Variants in BRIP1 observed in about 807,000 individuals in gnomAD.
The protein encoded by BRIP1 is BRCA1 interacting DNA helicase 1.
Under a neutral mutation model 119.7 loss-of-function variants are expected in BRIP1, and 88 were observed. That is an observed-to-expected ratio of 0.74 (90% confidence interval 0.62 to 0.88). BRIP1 has a LOEUF of 0.88. BRIP1 is among the 40% of genes least tolerant of loss of function. The pLI, the probability that BRIP1 is intolerant of heterozygous loss-of-function variation, is 0.00. For missense variants in BRIP1, 1,259 were observed against 1,455.4 expected (o/e 0.87, Z 2.20); for synonymous variants, 443 against 496.5 (o/e 0.89, Z 1.43).
chr17:61,790,563 A>C (rs116812354), intron 10 of BRIP1, among the ~76,000 whole-genome samples: 2 of 152,068 alleles, frequency 1.3e-5, no homozygotes, highest in East Asian at 1.9e-4. Context: ...ATATATATAT[A>C]TATCTATATG....
chr17:61,799,287 G>T lies in BRIP1; in HGVS notation c.1153C>A (p.Leu385Met), dbSNP rs748001678. Residue 385 changes from leucine (L) to methionine (M), a missense_variant, in exon 9 of 20, where the codon CTG (leucine) becomes ATG (methionine). Physicochemically the swap from Leu to Met is conservative, Grantham distance 15 (BLOSUM62 2). This residue lies in a region of BRIP1 where 501 missense variants were observed against 544.0 expected (regional missense o/e 0.92). Transcript: ENST00000259008. The surrounding 1 kb of genome is among the most constrained non-coding windows in gnomAD (Gnocchi z 5.1). ...TCTAAAATGACAACCTGTTCTTTCA[G>T]ATTTAAATCCATCTATAAGATAAAA... Reference protein sequence around the residue: ...AQIRESMDLNLKEQVVILDEA... With the variant: ...AQIRESMDLNMKEQVVILDEA... 7 of 1,611,710 alleles carry T rather than the reference G, an allele frequency of 4.3e-6. No homozygotes were observed. Among genetic ancestry groups the T allele is most frequent in the Non-Finnish European group, 5.1e-6 (6 of 1,178,338 alleles).
chr17:61,737,552 T>C (rs897799344), intron 16 of BRIP1, among the ~76,000 whole-genome samples: 2 of 152,168 alleles, frequency 1.3e-5, no homozygotes, highest in Admixed American at 6.5e-5. Flanking sequence ...TGGACTGCAT[T>C]AGAATTTTAA....
In BRIP1 at chr17:61,769,008, T is replaced by C. The variant is rs1373000929; in HGVS notation, c.2097+7393A>G. Among the ~76,000 whole-genome samples, 1 of 152,070 alleles carries C rather than the reference T, an allele frequency of 6.6e-6. No individual in the cohort carries two copies. The highest frequency in any genetic ancestry group is 1.5e-5 in the Non-Finnish European group (1 of 68,010). On this transcript the variant is annotated intron_variant, in intron 14 of 19. Transcript: ENST00000259008. The surrounding 1 kb of genome is among the most constrained non-coding windows in gnomAD (Gnocchi z 4.9). ...TTGAGAGGGCGATATGACTAGGACC[T>C]GAATGCAACCTTTAAGACCTAAGAG...
intron 3 of BRIP1, among the ~76,000 whole-genome samples, chr17:61,859,142 A>G (rs570104376): frequency 6.6e-6 from 1 of 152,226 alleles, no homozygotes. Context: ...TGGCATTTAA[A>G]CAAGTAGAAA....
At chr17:61,750,660 C>T (rs1206131646) in intron 14 of BRIP1, among the ~76,000 whole-genome samples, 1 of 150,578 alleles carries the variant, frequency 6.6e-6, no homozygotes, top group Non-Finnish European at 1.5e-5. Flanking sequence ...AAAAACCAAA[C>T]AGATTCAAAT....
At chr17:61,813,551 T>G (rs1170145311) in intron 6 of BRIP1, among the ~76,000 whole-genome samples, 2 of 152,122 alleles carry the variant, frequency 1.3e-5, no homozygotes, top group Non-Finnish European at 2.9e-5. Context: ...AAAAAGATAC[T>G]TCAAAATCCA....
intron 8 of BRIP1, among the ~76,000 whole-genome samples, chr17:61,800,162 G>T (rs1225275378): frequency 6.6e-6 from 1 of 152,122 alleles, no homozygotes; most frequent in Non-Finnish European, 1.5e-5. Context: ...ACAATAAAGA[G>T]AATCAAGTAT....
Position 61,815,896 on chromosome 17 carries a change from T to TG in BRIP1, c.628-7140dup, listed in dbSNP as rs2078229231. 6.6e-6 allele frequency among the ~76,000 whole-genome samples: 1 copy of TG among 152,246 alleles called. No individual in the cohort carries two copies. The highest frequency in any genetic ancestry group is 2.4e-5 in the African/African-American group (1 of 41,474). ...TTAATCTTTATCAACCATTTGCTGT[T>TG]GTCCAAGCCATCTAAACAGGTACTG... is the stretch of plus-strand genomic sequence containing the variant. On this transcript the variant is annotated intron_variant, in intron 6 of 19. Coordinates refer to ENST00000259008, the MANE Select transcript of BRIP1 (RefSeq NM_032043.3). This position sits in a 1 kb window ranked among gnomAD's most constrained non-coding sequence, Gnocchi z 4.1.
At position 61,796,940 on chromosome 17, in the gene BRIP1, T is replaced by G. The variant is rs1172513541; in HGVS notation, c.1340+2160A>C. On this transcript the variant is annotated intron_variant, in intron 9 of 19. Coordinates refer to ENST00000259008, the MANE Select transcript of BRIP1 (RefSeq NM_032043.3). This position sits in a 1 kb window ranked among gnomAD's most constrained non-coding sequence, Gnocchi z 4.8. ...GTAAGGATATTATTAAGGATAGTAT[T>G]TAACTTTTTTACTTGAGGAACTGGT... is the stretch of plus-strand genomic sequence containing the variant. 2.0e-5 allele frequency among the ~76,000 whole-genome samples: 3 copies of G among 152,020 alleles called. No individual in the cohort carries two copies. Among genetic ancestry groups the G allele is most frequent in the Non-Finnish European group, 4.4e-5 (3 of 67,934 alleles).
intron 14 of BRIP1, among the ~76,000 whole-genome samples, chr17:61,765,394 TATA>T (rs2077345135): frequency 6.3e-5 from 1 of 15,886 alleles, no homozygotes; most frequent in Non-Finnish European, 1.4e-4. Context: ...TATATATATA[TATA>T]TATATATATA....
rs1057522122 is a variant in BRIP1 at position 61,849,118 on chromosome 17, A to C, written c.507+11T>G. ...TAACTGGGTTATTTACTGCCAATAA[A>C]CTCTGTTTACCTGCTGTGTAGTTTC... On this transcript the variant is annotated intron_variant, in intron 5 of 19. Transcript: ENST00000259008. 6.2e-7 allele frequency: 1 copy of C among 1,613,052 alleles called. No individual in the cohort carries two copies. The highest frequency in any genetic ancestry group is 8.5e-7 in the Non-Finnish European group (1 of 1,179,542).
intron 14 of BRIP1, among the ~76,000 whole-genome samples, chr17:61,750,989 C>T (rs1412422405): frequency 6.6e-6 from 1 of 152,150 alleles, no homozygotes; most frequent in African/African-American, 2.4e-5. Context: ...AAGTATATAA[C>T]CCCAAATATC....
intron 14 of BRIP1, among the ~76,000 whole-genome samples, chr17:61,749,711 C>G (rs534986079): frequency 6.6e-6 from 1 of 152,186 alleles, no homozygotes; most frequent in East Asian, 1.9e-4. Context: ...CAAAATAAAA[C>G]AGTATATATA....
chr17:61,679,679 A>G lies in BRIP1; in HGVS notation c.*3617T>C, dbSNP rs886053198. 6.6e-6 allele frequency among the ~76,000 whole-genome samples: 1 copy of G among 152,216 alleles called. No homozygotes were observed. Among genetic ancestry groups the G allele is most frequent in the Non-Finnish European group, 1.5e-5 (1 of 68,020 alleles). On this transcript the variant is annotated 3_prime_UTR_variant, in exon 20 of 20. Transcript: ENST00000259008. The surrounding 1 kb of genome is among the most constrained non-coding windows in gnomAD (Gnocchi z 4.4). ...GTTAGGGAAGCTTTCATATAGAGCAAGGGTGCACTCCAGATATATGATTCA... is the reference window on the plus strand; with the variant it reads ...GTTAGGGAAGCTTTCATATAGAGCAGGGGTGCACTCCAGATATATGATTCA...
intron 3 of BRIP1, among the ~76,000 whole-genome samples, chr17:61,858,523 G>A (rs553797816): frequency 6.6e-6 from 1 of 152,076 alleles, no homozygotes; most frequent in South Asian, 2.1e-4. Flanking sequence ...ACAGGCACAC[G>A]CCACCTCACC....
chr17:61,809,988 T>G lies in BRIP1; in HGVS notation c.628-1231A>C, dbSNP rs2078137171. On this transcript the variant is annotated intron_variant, in intron 6 of 19. Coordinates refer to ENST00000259008, the MANE Select transcript of BRIP1 (RefSeq NM_032043.3). This position sits in a 1 kb window ranked among gnomAD's most constrained non-coding sequence, Gnocchi z 5.2. ...CTCAACCTTGTCCGCCATTAAATAT[T>G]ACAATACATGATAGAATGGATGTAA... Among the ~76,000 whole-genome samples the G allele has an allele frequency of 6.6e-6, 1 of 152,226 alleles. No individual in the cohort carries two copies. The highest frequency in any genetic ancestry group is 2.1e-4 in the South Asian group (1 of 4,836).
intron 16 of BRIP1, among the ~76,000 whole-genome samples, chr17:61,732,556 C>T (rs138278069): frequency 0.014 from 2,154 of 152,240 alleles, 15 homozygotes; most frequent in Non-Finnish European, 0.023. Flanking sequence ...CCTGTTCTTC[C>T]ATAAATTATT....
rs4011639 is a variant in BRIP1 at position 61,823,796 on chromosome 17, A to ACCCC, written c.628-15040_628-15039insGGGG. ...CACACACACACACACACACACACAC[A>ACCCC]CCTTAGTTGAATTGCTGAAAGCAGA... On this transcript the variant is annotated intron_variant, in intron 6 of 19. Transcript: ENST00000259008. The surrounding 1 kb of genome is among the most constrained non-coding windows in gnomAD (Gnocchi z 4.8). 3.4e-5 allele frequency among the ~76,000 whole-genome samples: 5 copies of ACCCC among 148,822 alleles called. No individual in the cohort carries two copies. Among genetic ancestry groups the ACCCC allele is most frequent in the Admixed American group, 1.3e-4 (2 of 14,978 alleles).
chr17:61,788,098 T>C (rs1312031669), intron 10 of BRIP1, among the ~76,000 whole-genome samples: 1 of 152,188 alleles, frequency 6.6e-6, no homozygotes, highest in African/African-American at 2.4e-5. Context: ...AAATTTAAGA[T>C]AATCTGTGGG....
Sources: gnomAD v4.1 joint callset for allele counts (sites outside exome capture counted in the v4.1 genomes callset) on GRCh38, gnomAD v4.1.1 for gene constraint, gnomAD v4.1.1 regional missense constraint, Gnocchi (gnomAD v3.1) non-coding constraint, MANE v1.5 for transcripts, NCBI Gene and HGNC (gene_info 2026-07-23, HGNC 2026-07-21) for gene names.